Variants in EPB41L3 observed in about 807,000 individuals in gnomAD.
EPB41L3 encodes band 4.1-like protein 3.
In EPB41L3, 57 loss-of-function variants were observed where a neutral mutation model predicts 127.1. The ratio of observed to expected loss-of-function variants is 0.45; its 90% CI spans 0.36 to 0.56. The LOEUF (loss-of-function observed/expected upper bound fraction) is 0.56. Among genes scored for constraint, EPB41L3 ranks in the 20% least tolerant of loss-of-function variants. The pLI is 0.00. For missense variants in EPB41L3, 1,273 were observed against 1,372.2 expected (o/e 0.93, Z 1.14); for synonymous variants, 572 against 549.5 (o/e 1.04, Z -0.57).
upstream of EPB41L3, among the ~76,000 whole-genome samples, chr18:5,630,075 G>A (rs2094975559): frequency 6.6e-6 from 1 of 152,182 alleles, no homozygotes; most frequent in Non-Finnish European, 1.5e-5. Context: ...GGCTTCCGCG[G>A]CAGCTCCAAC....
chr18:5,607,508 A>G (rs567051306), intron 3 of EPB41L3, among the ~76,000 whole-genome samples: 1 of 152,334 alleles, frequency 6.6e-6, no homozygotes, highest in South Asian at 2.1e-4. Flanking sequence ...CTAATAAAGC[A>G]GGAATTACCT....
chr18:5,408,023 GTTCTTGATGAACATTAGAAAT>G (rs2075697184), intron 14 of EPB41L3, among the ~76,000 whole-genome samples: 2 of 152,204 alleles, frequency 1.3e-5, no homozygotes. Context: ...GTGGCAGGTT[GTTCTTGATGAACATTAGAAAT>G]AGTTCAGGAA....
At chr18:5,423,273 A>G in intron 11 of EPB41L3, 105 bp downstream of exon 11, 1 of 1,190,662 alleles carries the variant, frequency 8.4e-7, no homozygotes, top group Non-Finnish European at 1.1e-6. Context: ...CTGCTTTTCA[A>G]CATACAATAT....
rs543561222 is a variant in EPB41L3, at chr18:5,526,074, T to A, written c.-12+17839A>T. Among the ~76,000 whole-genome samples the A allele has an allele frequency of 2.0e-5, 3 of 152,048 alleles. No homozygotes were observed. In the East Asian group the frequency reaches 5.8e-4, roughly 29 times the overall value. On this transcript the variant is annotated intron_variant, in intron 1 of 22. Transcript: ENST00000341928. ...ATTTTACAGAAAACCATAAAAACAA[T>A]TATCTATGTCATTAGAGACTCTTTA...
At chr18:5,395,295 T>A in intron 20 of EPB41L3, 148 bp from the exon 21 acceptor site, 2 of 773,088 alleles carry the variant, frequency 2.6e-6, no homozygotes, top group Non-Finnish European at 4.3e-6. Flanking sequence ...ACATTTTTAA[T>A]TCCAGAGGTG....
chr18:5,557,412 C>T (rs1277121291), intron 3 of EPB41L3, among the ~76,000 whole-genome samples: 1 of 152,150 alleles, frequency 6.6e-6, no homozygotes, highest in East Asian at 1.9e-4. Flanking sequence ...GAGACAGGGT[C>T]TCACTCTCTT....
At chr18:5,408,273 C>CTTTTTTTTTTT (rs1208956534) in intron 14 of EPB41L3, among the ~76,000 whole-genome samples, 2 of 50,468 alleles carry the variant, frequency 4.0e-5, no homozygotes, top group Admixed American at 2.4e-4. Flanking sequence ...TTTCTTTTTT[C>CTTTTTTTTTTT]TTTTTTTTTT....
In EPB41L3 at chr18:5,510,366, A is replaced by C. The variant is rs531249624; in HGVS notation, c.-11-21172T>G. On this transcript the variant is annotated intron_variant, in intron 1 of 22. Coordinates refer to ENST00000341928, the MANE Select transcript of EPB41L3 (RefSeq NM_012307.5). ...CATCCCCAGGCAGCTGTAGATCCCC[A>C]ATCTGGGCTGGAGTATGGTAGGTGG... 2.2e-4 allele frequency among the ~76,000 whole-genome samples: 33 copies of C among 152,312 alleles called. 1 individual carries two copies. The South Asian group carries it at 6.8e-3, about 32-fold the overall frequency.
chr18:5,429,057 A>G (rs1040380388), intron 8 of EPB41L3, among the ~76,000 whole-genome samples: 1 of 152,190 alleles, frequency 6.6e-6, no homozygotes, highest in Non-Finnish European at 1.5e-5. Flanking sequence ...AAATTTAAAT[A>G]CGAAATAGTT....
At chr18:5,567,224 C>T (rs563558318) in intron 3 of EPB41L3, 16 of 152,474 alleles carry the variant, frequency 1.0e-4, no homozygotes, top group South Asian at 6.2e-4. Context: ...GCAATACAAA[C>T]GCAAACCGGC....
chr18:5,461,821 A>T (rs1388000977), intron 3 of EPB41L3, among the ~76,000 whole-genome samples: 2 of 152,122 alleles, frequency 1.3e-5, no homozygotes, highest in African/African-American at 2.4e-5. Context: ...CCAACAAAAA[A>T]CTCCCACAAC....
At chr18:5,459,117 T>G (rs952329149) in intron 3 of EPB41L3, among the ~76,000 whole-genome samples, 2 of 152,102 alleles carry the variant, frequency 1.3e-5, no homozygotes, top group African/African-American at 2.4e-5. Context: ...ATGCCCATCA[T>G]CTCTAGTTCT....
intron 1 of EPB41L3, among the ~76,000 whole-genome samples, chr18:5,621,481 G>T (rs2094861564): frequency 6.6e-6 from 1 of 152,190 alleles, no homozygotes; most frequent in Admixed American, 6.5e-5. Flanking sequence ...GTTCATGCCT[G>T]TAAACCCAGC....
intron 3 of EPB41L3, among the ~76,000 whole-genome samples, chr18:5,553,795 T>C (rs1479385059): frequency 2.0e-5 from 3 of 152,126 alleles, no homozygotes; most frequent in African/African-American, 4.8e-5. Flanking sequence ...GAGACCCCTA[T>C]AGTGATTCTC....
chr18:5,426,234 A>G (rs1261019361), intron 9 of EPB41L3, among the ~76,000 whole-genome samples: 1 of 152,130 alleles, frequency 6.6e-6, no homozygotes, highest in Non-Finnish European at 1.5e-5. Flanking sequence ...ACTCCTTCCT[A>G]TGCAAGAGTT....
chr18:5,414,571 C>T (rs2144646517), intron 13 of EPB41L3, among the ~76,000 whole-genome samples: 1 of 152,222 alleles, frequency 6.6e-6, no homozygotes, highest in East Asian at 1.9e-4. Flanking sequence ...CCTTTTTTAG[C>T]ATTGCCTTGA....
At chr18:5,561,096 G>C (rs1254635272) in intron 3 of EPB41L3, among the ~76,000 whole-genome samples, 1 of 148,508 alleles carries the variant, frequency 6.7e-6, no homozygotes, top group Non-Finnish European at 1.5e-5. Context: ...TCCTGCCTCA[G>C]CCTCCCGAGT....
chr18:5,493,362 T>G (rs8096852), intron 1 of EPB41L3, among the ~76,000 whole-genome samples: 22,856 of 152,130 alleles, frequency 0.15, 1,832 homozygotes, highest in Non-Finnish European at 0.17. Flanking sequence ...GTCTAACGAG[T>G]ATATAGGACT....
Position 5,451,103 on chromosome 18 carries a change from T to A in EPB41L3, c.382-5859A>T, listed in dbSNP as rs1049625814. Among the ~76,000 whole-genome samples, 5 of 152,340 alleles carry A rather than the reference T, an allele frequency of 3.3e-5. No individual in the cohort carries two copies. In the East Asian group the frequency reaches 7.7e-4, roughly 24 times the overall value. On this transcript the variant is annotated intron_variant, in intron 3 of 22. Transcript: ENST00000341928. ...AATCATTCCTTCTTCATTTATTAAC[T>A]GGAGCATGTTTATAAAGAGGTATTT...
Sources: gnomAD v4.1 joint callset for allele counts (sites outside exome capture counted in the v4.1 genomes callset) on GRCh38, gnomAD v4.1.1 for gene constraint, MANE v1.5 for transcripts, NCBI Gene and HGNC (gene_info 2026-07-23, HGNC 2026-07-21) for gene names.